The following CPXM2 variants were observed in gnomAD, a reference collection of about 807,000 sequenced individuals.
The protein encoded by CPXM2 is inactive carboxypeptidase-like protein X2.
In CPXM2, 66 loss-of-function variants were observed where a neutral mutation model predicts 86.1. The ratio of observed to expected loss-of-function variants is 0.77; its 90% CI spans 0.63 to 0.94. CPXM2 has a LOEUF of 0.94. Ranked by LOEUF, CPXM2 falls within the 40% of genes least tolerant of loss-of-function variation. CPXM2 has a pLI of 0.00. For synonymous variants in CPXM2, 388 were observed against 400.2 expected (o/e 0.97, Z 0.36); for missense variants, 948 against 1,026.3 (o/e 0.92, Z 1.04).
chr10:123,862,762 G>A, intron 2 of CPXM2, 39 bp from the exon 3 acceptor site: 1 of 1,532,506 alleles, frequency 6.5e-7, no homozygotes, highest in Non-Finnish European at 9.0e-7. Context: ...AACGACAGAT[G>A]CTGAAAGGGA....
intron 4 of CPXM2, among the ~76,000 whole-genome samples, chr10:123,808,559 C>G (rs1397170898): frequency 6.6e-6 from 1 of 152,080 alleles, no homozygotes; most frequent in East Asian, 1.9e-4. Context: ...TCAAAAGTGG[C>G]TAAAAGATCT....
chr10:123,918,218 A>G (rs1388119336), intron 2 of CPXM2, among the ~76,000 whole-genome samples: 1 of 152,234 alleles, frequency 6.6e-6, no homozygotes, highest in Non-Finnish European at 1.5e-5. Context: ...TAATAATGAA[A>G]ACAAATAGAA....
In CPXM2 at chr10:123,754,762, C is replaced by A. The variant is rs530115758; in HGVS notation, c.1918G>T (p.Val640Phe). 5.1e-6 allele frequency: 8 copies of A among 1,583,020 alleles called. No homozygotes were observed. The highest frequency in any genetic ancestry group is 6.9e-6 in the Non-Finnish European group (8 of 1,151,674). ...RESLIVFMEQ[V>F]HRGIKGLVRD... Reference sequence around the variant, plus strand: ...ACCAAGCCTTTAATGCCACGATGAACCTGCTCAGCAAACATGAGACACAGG... The same window carrying A: ...ACCAAGCCTTTAATGCCACGATGAAACTGCTCAGCAAACATGAGACACAGG... Residue 640 changes from valine (V) to phenylalanine (F), a missense_variant and splice_region_variant, in exon 13 of 14, where the codon GTT becomes TTT. Coordinates refer to ENST00000241305, the MANE Select transcript of CPXM2 (RefSeq NM_198148.3). This position sits in a 1 kb window ranked among gnomAD's most constrained non-coding sequence, Gnocchi z 4.0.
chr10:123,816,177 T>G (rs1847809836), intron 4 of CPXM2, among the ~76,000 whole-genome samples: 1 of 152,148 alleles, frequency 6.6e-6, no homozygotes, highest in Non-Finnish European at 1.5e-5. Context: ...AGATATACCC[T>G]TTACTAATGC....
chr10:123,858,246 T>G (rs1393203459), intron 3 of CPXM2, among the ~76,000 whole-genome samples: 1 of 152,192 alleles, frequency 6.6e-6, no homozygotes, highest in Non-Finnish European at 1.5e-5. Context: ...TAAGCTCCCT[T>G]AAGCACTGCA....
intron 3 of CPXM2, among the ~76,000 whole-genome samples, chr10:123,860,600 T>C (rs1299397133): frequency 6.6e-6 from 1 of 152,214 alleles, no homozygotes; most frequent in Non-Finnish European, 1.5e-5. Flanking sequence ...TAATTTCAAT[T>C]ATAGAGAAAT....
chr10:123,887,564 G>A (rs1173971493), intron 1 of CPXM2, among the ~76,000 whole-genome samples: 1 of 152,094 alleles, frequency 6.6e-6, no homozygotes, highest in Non-Finnish European at 1.5e-5. Context: ...GGGATATTTG[G>A]CAATGTCTGG....
intron 3 of CPXM2, among the ~76,000 whole-genome samples, chr10:123,853,675 C>T (rs1000532681): frequency 6.6e-6 from 1 of 152,184 alleles, no homozygotes; most frequent in East Asian, 1.9e-4. Flanking sequence ...GAGGCCAAGG[C>T]GGGCAGACCA....
chr10:123,792,326 G>A (rs976828716), intron 6 of CPXM2, among the ~76,000 whole-genome samples: 7 of 152,168 alleles, frequency 4.6e-5, no homozygotes, highest in African/African-American at 1.2e-4. Flanking sequence ...CAGAGTCCCC[G>A]ATCAGGAATG....
At chr10:123,923,568 G>A (rs372567566) in intron 2 of CPXM2, among the ~76,000 whole-genome samples, 13 of 150,450 alleles carry the variant, frequency 8.6e-5, no homozygotes, top group East Asian at 6.0e-4. Flanking sequence ...GCGACAGAGC[G>A]AGACTCCGTC....
At chr10:123,750,211 T>C (rs1846044844) in intron 13 of CPXM2, 7 of 985,272 alleles carry the variant, frequency 7.1e-6, no homozygotes, top group Non-Finnish European at 8.4e-6. Flanking sequence ...CCTCTAATTT[T>C]TGAGGAGAAA....
At chr10:123,856,495 G>A (rs1002435312) in intron 3 of CPXM2, among the ~76,000 whole-genome samples, 2 of 152,220 alleles carry the variant, frequency 1.3e-5, no homozygotes, top group Admixed American at 6.5e-5. Flanking sequence ...GGCAGGTGAT[G>A]AGCTGCCATT....
At chr10:123,750,582 T>C (rs913996640) in intron 13 of CPXM2, 4 of 975,490 alleles carry the variant, frequency 4.1e-6, no homozygotes, top group Admixed American at 6.1e-5. Flanking sequence ...TAGTAAACTT[T>C]TAAATCTTCC....
intron 6 of CPXM2, among the ~76,000 whole-genome samples, chr10:123,790,289 CAGGGGTG>C (rs1847176417): frequency 6.7e-6 from 1 of 148,504 alleles, no homozygotes; most frequent in Non-Finnish European, 1.5e-5. Flanking sequence ...AGCAGGTGAC[CAGGGGTG>C]ACTCAGGATG....
chr10:123,931,547 G>A (rs1457333736), intron 2 of CPXM2: 1 of 152,094 alleles, frequency 6.6e-6, no homozygotes, highest in East Asian at 1.9e-4. Context: ...GCAGATGATG[G>A]GCTTTTCTTA....
intron 2 of CPXM2, among the ~76,000 whole-genome samples, chr10:123,922,810 G>C (rs1445677932): frequency 1.3e-5 from 2 of 152,222 alleles, no homozygotes; most frequent in African/African-American, 4.8e-5. Context: ...AGCCTGAGTA[G>C]AATAATTGAT....
intron 7 of CPXM2, among the ~76,000 whole-genome samples, chr10:123,775,225 G>C (rs1846755220): frequency 6.6e-6 from 1 of 152,128 alleles, no homozygotes; most frequent in South Asian, 2.1e-4. Flanking sequence ...CCATTCTGAT[G>C]GCCACAGCAT....
intron 12 of CPXM2, among the ~76,000 whole-genome samples, chr10:123,756,663 G>C (rs2133978161): frequency 6.6e-6 from 1 of 152,120 alleles, no homozygotes; most frequent in Non-Finnish European, 1.5e-5. Flanking sequence ...CTTCGAAGAG[G>C]TAATTAAGGG....
At chr10:123,818,576 C>T (rs933973967) in intron 4 of CPXM2, among the ~76,000 whole-genome samples, 11 of 152,176 alleles carry the variant, frequency 7.2e-5, no homozygotes, top group East Asian at 1.9e-4. Flanking sequence ...TGTGGACTCA[C>T]GGAATGCCTT....
Sources: gnomAD v4.1 joint callset for allele counts (sites outside exome capture counted in the v4.1 genomes callset) on GRCh38, gnomAD v4.1.1 for gene constraint, Gnocchi (gnomAD v3.1) non-coding constraint, MANE v1.5 for transcripts, NCBI Gene and HGNC (gene_info 2026-07-23, HGNC 2026-07-21) for gene names.